The following B4GALT4 variants were observed in gnomAD, a reference collection of about 807,000 sequenced individuals.
B4GALT4 encodes N-acetyllactosamine synthase.
B4GALT4 carries 27 observed loss-of-function variants against 37.3 expected under a neutral mutation model. The ratio of observed to expected loss-of-function variants is 0.72; its 90% CI spans 0.53 to 1.00. The LOEUF is 1.00. Ranked by LOEUF, B4GALT4 falls within the 50% of genes least tolerant of loss-of-function variation. The pLI, the probability that B4GALT4 is intolerant of heterozygous loss-of-function variation, is 0.00. For synonymous variants in B4GALT4, 148 were observed against 154.1 expected, an observed-to-expected ratio of 0.96 and a Z score of 0.29; for missense variants, 372 against 413.1, an observed-to-expected ratio of 0.90 and a Z score of 0.86.
At chr3:119,233,074 C>G (rs1238424896) in intron 2 of B4GALT4, 1 of 152,260 alleles carries the variant, frequency 6.6e-6, no homozygotes, top group Non-Finnish European at 1.5e-5. Flanking sequence ...TCCCAAAGTG[C>G]TAGGATTACA....
chr3:119,216,462 AC>A, intron 6 of B4GALT4, 118 bp from the exon 7 acceptor site: 1 of 496,382 alleles, frequency 2.0e-6, no homozygotes, highest in South Asian at 4.3e-5. Flanking sequence ...ACACACACAC[AC>A]ACACACACAG....
chr3:119,226,787 C>G (rs2078632792), intron 4 of B4GALT4, 22 bp downstream of exon 4: 2 of 1,603,370 alleles, frequency 1.2e-6, no homozygotes, highest in African/African-American at 2.7e-5. Flanking sequence ...GAGGGCAGGC[C>G]CTGGTCTGCC....
Position 119,223,792 on chromosome 3 carries a change from G to A in B4GALT4, c.674+266C>T, listed in dbSNP as rs577837483. Among the ~76,000 whole-genome samples the A allele has an allele frequency of 3.5e-3, 531 of 152,344 alleles. 2 individuals carry two copies. Among genetic ancestry groups the A allele is most frequent in the Non-Finnish European group, 6.2e-3 (420 of 68,026 alleles). ...GAAAGCCCCCCGACAGGGGCGCTGC[G>A]GGTGAGACTGGCCACCACCTGCAAT... On this transcript the variant is annotated intron_variant, in intron 5 of 7. Transcript: ENST00000393765.
intron 4 of B4GALT4, chr3:119,226,574 G>T: frequency 1.9e-6 from 1 of 517,066 alleles, no homozygotes; most frequent in Non-Finnish European, 3.5e-6. Context: ...CACAAAACAG[G>T]CTTCCTCCAG....
At chr3:119,233,535 G>C (rs1027431316) in intron 2 of B4GALT4, among the ~76,000 whole-genome samples, 2 of 152,158 alleles carry the variant, frequency 1.3e-5, no homozygotes, top group Non-Finnish European at 2.9e-5. Flanking sequence ...AAAAGGACTT[G>C]AGCATGCATG....
At chr3:119,216,875 T>C (rs1364910452) in intron 6 of B4GALT4, among the ~76,000 whole-genome samples, 1 of 152,202 alleles carries the variant, frequency 6.6e-6, no homozygotes, top group African/African-American at 2.4e-5. Context: ...ATCTGTAAAA[T>C]GGCAATGGTG....
chr3:119,215,066 T>C (rs2078253792), intron 7 of B4GALT4: 1 of 152,220 alleles, frequency 6.6e-6, no homozygotes, highest in Non-Finnish European at 1.5e-5. Context: ...CCCAGTGTGA[T>C]GGTTAATACT....
At chr3:119,221,622 T>C (rs1319924834) in intron 5 of B4GALT4, among the ~76,000 whole-genome samples, 1 of 152,160 alleles carries the variant, frequency 6.6e-6, no homozygotes, top group Non-Finnish European at 1.5e-5. Flanking sequence ...GCTTACATGA[T>C]ACATACAAAA....
chr3:119,232,183 A>G (rs887222554), intron 2 of B4GALT4, among the ~76,000 whole-genome samples: 6 of 152,188 alleles, frequency 3.9e-5, no homozygotes, highest in African/African-American at 1.4e-4. Context: ...GGAAGCAATT[A>G]AACAATATGG....
At chr3:119,230,351 C>T (rs1372985635) in intron 2 of B4GALT4, 107 bp from the exon 3 acceptor site, 5 of 505,994 alleles carry the variant, frequency 9.9e-6, no homozygotes, top group Non-Finnish European at 1.4e-5. Context: ...CTTGACTAAC[C>T]GTAATGGTAG....
intron 2 of B4GALT4, chr3:119,233,272 A>C (rs1339011452): frequency 6.6e-6 from 1 of 152,230 alleles, no homozygotes; most frequent in Non-Finnish European, 1.5e-5. Flanking sequence ...GAGTGGGAAG[A>C]GATTTAAAAA....
At chr3:119,223,982 G>T in intron 5 of B4GALT4, 76 bp downstream of exon 5, 1 of 1,392,542 alleles carries the variant, frequency 7.2e-7, no homozygotes, top group South Asian at 1.7e-5. Flanking sequence ...TGACACTCTG[G>T]ATGCTTGTTC....
intron 4 of B4GALT4, among the ~76,000 whole-genome samples, chr3:119,225,833 A>T (rs2078599456): frequency 6.6e-6 from 1 of 152,248 alleles, no homozygotes; most frequent in South Asian, 2.1e-4. Flanking sequence ...AAAAACAAAA[A>T]TAGCTATAAA....
chr3:119,236,732 A>G (rs2078997163), intron 2 of B4GALT4, 121 bp downstream of exon 2: 1 of 152,218 alleles, frequency 6.6e-6, no homozygotes, highest in African/African-American at 2.4e-5. Context: ...GGAAATAAAG[A>G]TTAATAATAT....
chr3:119,234,507 G>A (rs536743368), intron 2 of B4GALT4, among the ~76,000 whole-genome samples: 4 of 152,232 alleles, frequency 2.6e-5, no homozygotes, highest in African/African-American at 9.6e-5. Flanking sequence ...TGTTATCTCT[G>A]GGATTAATGA....
chr3:119,229,924 T>C lies in B4GALT4; in HGVS notation c.176A>G (p.Lys59Arg), dbSNP rs778148279. 6.2e-7 allele frequency: 1 copy of C among 1,614,198 alleles called. No individual in the cohort carries two copies. Among genetic ancestry groups the C allele is most frequent in the Admixed American group, 1.7e-5 (1 of 60,014 alleles). Residue 59 changes from lysine (K) to arginine (R), a missense_variant, in exon 3 of 8, where the codon AAG (lysine) becomes AGG (arginine). Coordinates refer to ENST00000393765, the MANE Select transcript of B4GALT4 (RefSeq NM_003778.4). ...ANFHKTLILG[K>R]GKTLTNEAST... ...TGCTTCATTAGTCAGAGTTTTTCCC[T>C]TCCCCAAAATGAGGGTCTTATGGAA...
intron 4 of B4GALT4, 102 bp from the exon 5 acceptor site, chr3:119,224,347 T>A: frequency 3.9e-6 from 3 of 773,450 alleles, no homozygotes; most frequent in South Asian, 2.7e-5. Context: ...CTAATTATTC[T>A]ACGCACGAGA....
rs2078290172 is a variant in B4GALT4 at position 119,216,357 on chromosome 3, T to C, written c.798-13A>G. The C allele has an allele frequency of 4.4e-6, 7 of 1,602,034 alleles. No individual in the cohort carries two copies. The highest frequency in any genetic ancestry group is 1.1e-5 in the South Asian group (1 of 89,038). ...TTGGAGCTCAACCCTAGAAAAATAA[T>C]AGAGATTTTTTTAAAGTCCATCCTA... On this transcript the variant is annotated splice_polypyrimidine_tract_variant and intron_variant, in intron 6 of 7. Coordinates refer to ENST00000393765, the MANE Select transcript of B4GALT4 (RefSeq NM_003778.4).
At chr3:119,216,663 T>C (rs1286835190) in intron 6 of B4GALT4, among the ~76,000 whole-genome samples, 3 of 152,308 alleles carry the variant, frequency 2.0e-5, no homozygotes, top group Middle Eastern at 3.4e-3. Context: ...AATGATAAAG[T>C]ACTTATTTCA....
Sources: allele counts gnomAD v4.1 joint callset (sites outside exome capture counted in the v4.1 genomes callset), GRCh38; gene constraint gnomAD v4.1.1; transcripts MANE v1.5; gene names NCBI Gene and HGNC (gene_info 2026-07-23, HGNC 2026-07-21).